Variants in CLSTN2 observed in about 807,000 individuals in gnomAD.
CLSTN2 encodes calsyntenin-2.
CLSTN2 carries 48 observed loss-of-function variants against 101.2 expected under a neutral mutation model. The observed-to-expected ratio is 0.47, with a 90% CI of 0.38 to 0.60. The LOEUF (loss-of-function observed/expected upper bound fraction) is 0.60, where lower values mean the gene tolerates loss of function less well. Among genes scored for constraint, CLSTN2 ranks in the 20% least tolerant of loss-of-function variants. The pLI is 0.00. For synonymous variants in CLSTN2, 481 were observed against 463.6 expected, an observed-to-expected ratio of 1.04 and a Z score of -0.48; for missense variants, 1,160 against 1,238.2, an observed-to-expected ratio of 0.94 and a Z score of 0.95.
At chr3:139,991,440 T>G (rs1483306995) in intron 1 of CLSTN2, among the ~76,000 whole-genome samples, 1 of 152,176 alleles carries the variant, frequency 6.6e-6, no homozygotes, top group Non-Finnish European at 1.5e-5. Context: ...TAGAAGACAA[T>G]AAGCTTCTCC....
At chr3:140,196,292 A>G (rs2010642612) in intron 2 of CLSTN2, among the ~76,000 whole-genome samples, 1 of 152,332 alleles carries the variant, frequency 6.6e-6, no homozygotes, top group Admixed American at 6.5e-5. Flanking sequence ...AGGCGGGGGA[A>G]AAATCCAAGT....
intron 1 of CLSTN2, among the ~76,000 whole-genome samples, chr3:139,959,287 G>T (rs1268102081): frequency 1.3e-5 from 2 of 152,124 alleles, no homozygotes; most frequent in African/African-American, 4.8e-5. Context: ...CTCCTGCCTT[G>T]CCATTTGCTG....
chr3:140,372,062 A>T (rs1220545778), intron 2 of CLSTN2, among the ~76,000 whole-genome samples: 1 of 152,208 alleles, frequency 6.6e-6, no homozygotes. Context: ...GGATATCCCA[A>T]ACCTGAAAGA....
At chr3:140,094,743 G>A (rs960994610) in intron 1 of CLSTN2, among the ~76,000 whole-genome samples, 19 of 152,188 alleles carry the variant, frequency 1.2e-4, no homozygotes, top group Non-Finnish European at 4.4e-5. Flanking sequence ...GCAGACAAGA[G>A]CCCTCCCCAG....
chr3:140,282,680 G>A (rs761744440), intron 2 of CLSTN2, among the ~76,000 whole-genome samples: 6 of 152,066 alleles, frequency 3.9e-5, no homozygotes, highest in Non-Finnish European at 7.4e-5. Flanking sequence ...CTATTATCCT[G>A]TGTACACCAA....
rs1445641363 is a variant in CLSTN2 at position 140,419,588 on chromosome 3, C to T, written c.638-1537C>T. On this transcript the variant is annotated intron_variant, in intron 4 of 16. Transcript: ENST00000458420. Reference sequence around the variant, plus strand: ...ATGTATATATACATATATACGTGTACGTATATATGTATATATACATATATA... The same window carrying T: ...ATGTATATATACATATATACGTGTATGTATATATGTATATATACATATATA... 1.3e-4 allele frequency among the ~76,000 whole-genome samples: 6 copies of T among 47,004 alleles called. 2 individuals carry two copies. The highest frequency in any genetic ancestry group is 1.6e-3 in the East Asian group (2 of 1,278). The allele number at this position is 47,004 out of a possible 152,430, so 30.8% of individuals were successfully genotyped here.
At chr3:140,439,874 G>A (rs2088740260) in intron 5 of CLSTN2, among the ~76,000 whole-genome samples, 1 of 152,242 alleles carries the variant, frequency 6.6e-6, no homozygotes. Flanking sequence ...ACCATCCTAT[G>A]TGAGAATTGG....
At chr3:140,306,884 TA>T (rs963551367) in intron 2 of CLSTN2, among the ~76,000 whole-genome samples, 1 of 132,502 alleles carries the variant, frequency 7.5e-6, no homozygotes, top group Non-Finnish European at 1.7e-5. Flanking sequence ...TATTATTATT[TA>T]TTTTTTCTTC....
chr3:140,074,241 CT>C (rs1347496291), intron 1 of CLSTN2, among the ~76,000 whole-genome samples: 4 of 152,072 alleles, frequency 2.6e-5, no homozygotes, highest in African/African-American at 9.7e-5. Flanking sequence ...CAACTTTTGT[CT>C]TGATTCTTGA....
intron 2 of CLSTN2, among the ~76,000 whole-genome samples, chr3:140,255,003 C>T (rs2086593733): frequency 6.6e-6 from 1 of 152,092 alleles, no homozygotes; most frequent in East Asian, 1.9e-4. Context: ...TATGAACAGA[C>T]ACTTCTCAAA....
intron 6 of CLSTN2, among the ~76,000 whole-genome samples, chr3:140,450,594 G>A (rs1482416308): frequency 2.6e-5 from 4 of 152,254 alleles, no homozygotes; most frequent in Non-Finnish European, 2.9e-5. Flanking sequence ...GGAGGTAACT[G>A]CATCTCCTCC....
chr3:140,532,060 C>G (rs1935266375), intron 8 of CLSTN2, among the ~76,000 whole-genome samples: 1 of 152,108 alleles, frequency 6.6e-6, no homozygotes, highest in South Asian at 2.1e-4. Context: ...CCCAGGTGCA[C>G]CATGGTAAGG....
At chr3:140,224,679 T>C (rs957641990) in intron 2 of CLSTN2, among the ~76,000 whole-genome samples, 1 of 152,208 alleles carries the variant, frequency 6.6e-6, no homozygotes, top group Non-Finnish European at 1.5e-5. Flanking sequence ...GAGTCTTACA[T>C]AATAATATAG....
chr3:140,493,932 T>C (rs1398060035), intron 8 of CLSTN2, among the ~76,000 whole-genome samples: 1 of 152,172 alleles, frequency 6.6e-6, no homozygotes, highest in Non-Finnish European at 1.5e-5. Flanking sequence ...ATTCCCCAAA[T>C]TCATTATTAG....
chr3:140,150,433 A>C (rs969147787), intron 1 of CLSTN2, among the ~76,000 whole-genome samples: 5 of 152,178 alleles, frequency 3.3e-5, no homozygotes, highest in African/African-American at 4.8e-5. Context: ...GCAATGTGCC[A>C]CCCAGCTCTC....
chr3:140,225,979 G>A (rs2086316316), intron 2 of CLSTN2, among the ~76,000 whole-genome samples: 1 of 151,958 alleles, frequency 6.6e-6, no homozygotes, highest in African/African-American at 2.4e-5. Flanking sequence ...GATTTTATTG[G>A]GTGATACCAA....
At chr3:140,024,565 A>G (rs1307871985) in intron 1 of CLSTN2, among the ~76,000 whole-genome samples, 1 of 152,172 alleles carries the variant, frequency 6.6e-6, no homozygotes, top group Non-Finnish European at 1.5e-5. Context: ...AGTCGCAAAC[A>G]ACACCCTGCA....
At chr3:140,345,546 G>T (rs1440040178) in intron 2 of CLSTN2, among the ~76,000 whole-genome samples, 1 of 151,734 alleles carries the variant, frequency 6.6e-6, no homozygotes, top group Non-Finnish European at 1.5e-5. Context: ...CACCGCGCCC[G>T]GCCGGATATA....
rs1374013757 is a variant in CLSTN2, at chr3:140,568,309, CAA to C, written c.*2057_*2058del. 1 of 152,170 alleles carries C rather than the reference CAA, an allele frequency of 6.6e-6. No homozygotes were observed. The highest frequency in any genetic ancestry group is 2.4e-5 in the African/African-American group (1 of 41,452). The allele number at this position is 152,170 out of a possible 1,614,324, so 9.4% of individuals were successfully genotyped here. A position where few individuals can be genotyped will look rare whatever the true frequency, so the allele number is the denominator to read the frequency against. On this transcript the variant is annotated 3_prime_UTR_variant, in exon 17 of 17. Transcript: ENST00000458420. ...GAAATAAACAGGCCTAGAAATTACA[CAA>C]GAGACAAATGAAGAGGAAGAGAAGT...
Sources: allele counts gnomAD v4.1 joint callset (sites outside exome capture counted in the v4.1 genomes callset), GRCh38; gene constraint gnomAD v4.1.1; transcripts MANE v1.5; gene names NCBI Gene and HGNC (gene_info 2026-07-23, HGNC 2026-07-21).